Variants in IL32 observed in about 807,000 individuals in gnomAD.
IL32 encodes the protein interleukin 32.
Under a neutral mutation model 16.6 loss-of-function variants are expected in IL32, and 30 were observed. That is an observed-to-expected ratio of 1.81 (90% CI 1.35 to 2.45). The LOEUF (loss-of-function observed/expected upper bound fraction) is 2.45. Ranked by LOEUF, IL32 falls within the 30% of genes most tolerant of loss-of-function variation. IL32 has a pLI of 0.00. For synonymous variants in IL32, 70 were observed against 86.1 expected, an observed-to-expected ratio of 0.81 and a Z score of 1.03; for missense variants, 234 against 229.8, an observed-to-expected ratio of 1.02 and a Z score of -0.12.
At chr16:3,068,293 C>G in intron 6 of IL32, 54 bp downstream of exon 6, 11 of 1,428,182 alleles carry the variant, frequency 7.7e-6, no homozygotes, top group African/African-American at 7.1e-5. Flanking sequence ...TCTGCCCTGT[C>G]TTTTCTTTCT....
rs140102091 is a variant in IL32, at chr16:3,069,325, G to T, written c.537G>T (p.Gln179His). ...GGGACAAGGAGGAGCTGACACCCCA[G>T]AAGTGCTCTGAACCCCAATCCTCAA... ...PRGDKEELTP[Q>H]KCSEPQSSK Residue 179 changes from glutamine (Q) to histidine (H), a missense_variant, in exon 7 of 7, where the codon CAG (glutamine) becomes CAT (histidine). By Grantham distance (24) the Gln-to-His change is conservative. Transcript: ENST00000525643. 6.2e-7 allele frequency: 1 copy of T among 1,607,326 alleles called. No individual in the cohort carries two copies.
intron 6 of IL32, 112 bp downstream of exon 6, chr16:3,068,351 G>C: frequency 2.9e-6 from 3 of 1,019,382 alleles, no homozygotes. Flanking sequence ...TGTCGCCCAG[G>C]CTGGAGTGCA....
intron 4 of IL32, 78 bp from the exon 5 acceptor site, chr16:3,067,906 C>T: frequency 2.0e-6 from 3 of 1,522,586 alleles, no homozygotes; most frequent in South Asian, 1.1e-5. Flanking sequence ...GAGCTGAGGA[C>T]TCACTGGGCT....
intron 2 of IL32, 33 bp downstream of exon 2, chr16:3,065,859 A>C: frequency 6.2e-7 from 1 of 1,613,886 alleles, no homozygotes; most frequent in Non-Finnish European, 8.5e-7. Flanking sequence ...TTTTGTGGGC[A>C]TGTCTGAAAA....
chr16:3,066,428 C>T (rs1039400632), intron 2 of IL32, among the ~76,000 whole-genome samples: 14 of 152,240 alleles, frequency 9.2e-5, no homozygotes, highest in African/African-American at 1.7e-4. Context: ...ATGGGACCAT[C>T]GCTGCCTGAA....
chr16:3,066,205 C>G (rs1369635323), intron 2 of IL32, among the ~76,000 whole-genome samples: 2 of 152,082 alleles, frequency 1.3e-5, no homozygotes, highest in African/African-American at 4.8e-5. Flanking sequence ...TCCTCCTTTC[C>G]TGGGTTCCCT....
chr16:3,066,120 G>T (rs912595207), intron 2 of IL32, among the ~76,000 whole-genome samples: 3 of 152,168 alleles, frequency 2.0e-5, no homozygotes, highest in African/African-American at 4.8e-5. Flanking sequence ...GAAACGACTC[G>T]GAGAATGCTT....
intron 2 of IL32, among the ~76,000 whole-genome samples, 178 bp downstream of exon 2, chr16:3,066,004 C>T (rs916773449): frequency 3.3e-5 from 5 of 151,814 alleles, no homozygotes; most frequent in Admixed American, 6.6e-5. Flanking sequence ...TCATATGTGT[C>T]GGGGGCGCTG....
rs1335315776 is a variant in IL32 at position 3,067,038 on chromosome 16, GCAGGCC to G, written c.16-337_16-332del. On this transcript the variant is annotated intron_variant, in intron 2 of 6. Coordinates refer to ENST00000525643, the MANE Select transcript of IL32 (RefSeq NM_001376923.1). ...GTGAGGAGGGGTCACCTAGGCCCAC[GCAGGCC>G]CTGCTCTTGTGAGGAGGGGTCACCT... Among the ~76,000 whole-genome samples the G allele has an allele frequency of 2.7e-4, 19 of 70,890 alleles. 1 individual carries two copies. Among genetic ancestry groups the G allele is most frequent in the Admixed American group, 7.7e-4 (5 of 6,514 alleles). The allele number at this position is 70,890 out of a possible 152,430, so 46.5% of individuals were successfully genotyped here.
intron 5 of IL32, 24 bp from the exon 6 acceptor site, chr16:3,068,156 C>T (rs762191846): frequency 3.1e-6 from 5 of 1,603,586 alleles, no homozygotes; most frequent in Non-Finnish European, 1.7e-6. Context: ...GCAGCATGAA[C>T]CCCCTGTGCC....
At chr16:3,066,504 C>T (rs917118139) in intron 2 of IL32, among the ~76,000 whole-genome samples, 1 of 152,192 alleles carries the variant, frequency 6.6e-6, no homozygotes, top group East Asian at 1.9e-4. Flanking sequence ...GGGTGACTGT[C>T]ACCACTCTAT....
upstream of IL32, chr16:3,065,597 C>A (rs146730989): frequency 1.2e-5 from 8 of 661,566 alleles, no homozygotes; most frequent in African/African-American, 1.8e-5. Context: ...CGCCCACTAC[C>A]CCCCACTTTC....
chr16:3,066,184 C>T (rs934619326), intron 2 of IL32, among the ~76,000 whole-genome samples: 5 of 152,098 alleles, frequency 3.3e-5, no homozygotes, highest in East Asian at 1.9e-4. Flanking sequence ...TGTGTGGGTC[C>T]TGGTGTCTCT....
chr16:3,066,511 C>T (rs969936259), intron 2 of IL32, among the ~76,000 whole-genome samples: 2 of 152,142 alleles, frequency 1.3e-5, no homozygotes, highest in Non-Finnish European at 2.9e-5. Context: ...TGTCACCACT[C>T]TATAGTGGGG....
At chr16:3,067,443 G>C (rs1485988682) in intron 3 of IL32, 28 bp downstream of exon 3, 1 of 1,609,786 alleles carries the variant, frequency 6.2e-7, no homozygotes, top group Admixed American at 1.7e-5. Context: ...TTCTGCTCAG[G>C]GGTTGGGGGC....
intron 6 of IL32, chr16:3,068,789 C>G: frequency 1.2e-6 from 1 of 803,656 alleles, no homozygotes; most frequent in Non-Finnish European, 1.9e-6. Flanking sequence ...ACACACCCAT[C>G]CTGTCACTGC....
chr16:3,065,517 C>T (rs1956220180), upstream of IL32: 2 of 534,392 alleles, frequency 3.7e-6, no homozygotes, highest in Middle Eastern at 5.2e-4. Context: ...CTCTGTCTGT[C>T]TCTGTCTCTG....
At position 3,068,183 on chromosome 16, in the gene IL32, G is replaced by A. The variant is rs142297204; in HGVS notation, c.145G>A (p.Asp49Asn). The A allele has an allele frequency of 1.4e-3, 2,218 of 1,604,066 alleles. 14 individuals are homozygous for A. Among genetic ancestry groups the A allele is most frequent in the Middle Eastern group, 0.013 (78 of 6,046 alleles). Residue 49 changes from aspartate to asparagine, a missense_variant, in exon 6 of 7, where the codon GAC becomes AAC. This residue lies in a region of IL32 where 137 missense variants were observed against 80.7 expected (regional missense o/e 1.70). Transcript: ENST00000525643. ...VMSSLAELED[D>N]FKEGYLETVA... ...CCCTGTGCCCTCCTCTCCCCAGGACGACTTCAAAGAGGGCTACCTGGAGAC... is the reference window on the plus strand; with the variant it reads ...CCCTGTGCCCTCCTCTCCCCAGGACAACTTCAAAGAGGGCTACCTGGAGAC...
In IL32 at chr16:3,067,623, T is replaced by C. The variant is rs1596253390; in HGVS notation, c.114+10T>C. On this transcript the variant is annotated intron_variant, in intron 4 of 6. Coordinates refer to ENST00000525643, the MANE Select transcript of IL32 (RefSeq NM_001376923.1). ...ATCAGGACGTGGACAGGTGGGTGGA[T>C]TTCCCCTCAGGCACCAGGTCACATG... 1 of 1,595,522 alleles carries C rather than the reference T, an allele frequency of 6.3e-7. No individual in the cohort carries two copies. Among genetic ancestry groups the C allele is most frequent in the Middle Eastern group, 1.7e-4 (1 of 6,026 alleles).
Sources: allele counts gnomAD v4.1 joint callset (sites outside exome capture counted in the v4.1 genomes callset), GRCh38; gene constraint gnomAD v4.1.1; regional missense constraint gnomAD v4.1.1; transcripts MANE v1.5; gene names NCBI Gene and HGNC (gene_info 2026-07-23, HGNC 2026-07-21).